The following ABCB10 variants were observed in gnomAD, a reference collection of about 807,000 sequenced individuals.
ABCB10 encodes ATP-binding cassette sub-family B member 10, mitochondrial.
A neutral mutation model predicts 65.4 loss-of-function variants in ABCB10; 54 were observed. The observed-to-expected ratio is 0.83, with a 90% CI of 0.66 to 1.04. The LOEUF (loss-of-function observed/expected upper bound fraction) is 1.04, where lower values mean the gene tolerates loss of function less well. Among genes scored for constraint, ABCB10 ranks in the 50% least tolerant of loss-of-function variants. The pLI, the probability that ABCB10 is intolerant of heterozygous loss-of-function variation, is 0.00. For missense variants in ABCB10, 846 were observed against 976.6 expected, an observed-to-expected ratio of 0.87 and a Z score of 1.78; for synonymous variants, 418 against 406.5, an observed-to-expected ratio of 1.03 and a Z score of -0.34.
At chr1:229,531,946 A>AC in intron 6 of ABCB10, 1 of 219,738 alleles carries the variant, frequency 4.6e-6, no homozygotes, top group Non-Finnish European at 8.4e-6. Flanking sequence ...CCAGTTTCAT[A>AC]GTTTTTTTTT....
intron 5 of ABCB10, among the ~76,000 whole-genome samples, chr1:229,539,895 CA>C (rs1662804099): frequency 6.6e-6 from 1 of 152,140 alleles, no homozygotes; most frequent in African/African-American, 2.4e-5. Flanking sequence ...CTAGAGGAAA[CA>C]AATAAATATC....
intron 8 of ABCB10, among the ~76,000 whole-genome samples, chr1:229,529,441 C>T (rs565437853): frequency 5.6e-5 from 8 of 142,504 alleles, no homozygotes; most frequent in East Asian, 2.2e-4. Flanking sequence ...GAGGCCAAGG[C>T]GGGTGGATCA....
intron 3 of ABCB10, among the ~76,000 whole-genome samples, chr1:229,543,688 C>A (rs1266788080): frequency 6.6e-6 from 1 of 152,168 alleles, no homozygotes; most frequent in Non-Finnish European, 1.5e-5. Flanking sequence ...GAAAGTATCA[C>A]TGCAGATGTA....
At position 229,525,960 on chromosome 1, in the gene ABCB10, C is replaced by T; in HGVS notation, c.1882G>A (p.Gly628Arg). 6.2e-7 allele frequency: 1 copy of T among 1,613,774 alleles called. No homozygotes were observed. Among genetic ancestry groups the T allele is most frequent in the Non-Finnish European group, 8.5e-7 (1 of 1,179,888 alleles). The change falls in exon 10 of 13, where the codon GGA becomes AGA. Residue 628 changes from glycine (G) to arginine (R), a missense_variant. By Grantham distance (125) the Gly-to-Arg change is moderately radical. This residue lies in a region of ABCB10 where 632 missense variants were observed against 803.2 expected (regional missense o/e 0.79). Coordinates refer to ENST00000344517, the MANE Select transcript of ABCB10 (RefSeq NM_012089.3). ...NFPQGFNTVV[G>R]EKGVLLSGGQ... ...CCTGAGAGGAGAACACCCTTTTCTC[C>T]AACCACAGTGTTGAACCCTTGGGGG...
chr1:229,540,529 A>G, intron 5 of ABCB10, 77 bp downstream of exon 5: 1 of 1,377,946 alleles, frequency 7.3e-7, no homozygotes, highest in Non-Finnish European at 9.7e-7. Flanking sequence ...TTTTCTACTT[A>G]TGCTGAGCAC....
Position 229,540,758 on chromosome 1 carries a change from A to T in ABCB10, c.1057-6T>A, listed in dbSNP as rs769811581. The T allele has an allele frequency of 6.2e-6, 10 of 1,610,846 alleles. No homozygotes were observed. The highest frequency in any genetic ancestry group is 8.5e-6 in the Non-Finnish European group (10 of 1,179,180). ...CCAATACGTTCCTCAGCTAGCTGGG[A>T]GAATAATAAATACATTTCAGGAGGA... On this transcript the variant is annotated splice_polypyrimidine_tract_variant and splice_region_variant and intron_variant, in intron 4 of 12. Coordinates refer to ENST00000344517, the MANE Select transcript of ABCB10 (RefSeq NM_012089.3).
In ABCB10 at chr1:229,556,989, A is replaced by G. The variant is rs906181648; in HGVS notation, c.517+1147T>C. On this transcript the variant is annotated intron_variant, in intron 1 of 12. Transcript: ENST00000344517. The stretch of plus-strand genomic sequence containing the variant: ...TTAAAAAGAGGAAAGAGAAAAAGAT[A>G]TTTTACAACAAAATCTACACTCAAC... Among the ~76,000 whole-genome samples the G allele has an allele frequency of 1.1e-4, 17 of 151,702 alleles. 1 individual carries two copies. The highest frequency in any genetic ancestry group is 3.3e-4 in the Admixed American group (5 of 15,228).
intron 1 of ABCB10, among the ~76,000 whole-genome samples, chr1:229,557,339 G>A (rs1663275376): frequency 6.6e-6 from 1 of 152,176 alleles, no homozygotes; most frequent in African/African-American, 2.4e-5. Flanking sequence ...CAGCAGAAGT[G>A]AGGACCATGT....
rs1281775919 is a variant in ABCB10 at position 229,539,499 on chromosome 1, A to G, written c.1296T>C (p.Ser432=). The G allele has an allele frequency of 6.2e-7, 1 of 1,614,004 alleles. No homozygotes were observed. Among genetic ancestry groups the G allele is most frequent in the East Asian group, 2.2e-5 (1 of 44,886 alleles). Residue 432 remains serine, a synonymous_variant, in exon 6 of 13, where the codon TCT becomes TCC. Coordinates refer to ENST00000344517, the MANE Select transcript of ABCB10 (RefSeq NM_012089.3). ...CCCAGAAAGCATACATTAGGAAGGA[A>G]GAGAGTTCACCCACGGTCATGTGGG... ...GSAHMTVGEL[S]SFLMYAFWVG...
chr1:229,535,327 A>T (rs903480369), intron 6 of ABCB10: 3 of 152,206 alleles, frequency 2.0e-5, no homozygotes, highest in Non-Finnish European at 2.9e-5. Flanking sequence ...ACTTAGAAGC[A>T]GCCAAGTGCC....
chr1:229,518,449 A>G (rs1351026662), intron 12 of ABCB10, 39 bp from the exon 13 acceptor site: 5 of 1,552,522 alleles, frequency 3.2e-6, no homozygotes, highest in Non-Finnish European at 4.4e-6. Flanking sequence ...CAAAGACGTC[A>G]GTGACACCCA....
intron 1 of ABCB10, among the ~76,000 whole-genome samples, chr1:229,552,153 G>T (rs544886030): frequency 6.6e-6 from 1 of 152,236 alleles, no homozygotes; most frequent in Admixed American, 6.5e-5. Flanking sequence ...TTATCAGCTT[G>T]TTTTATTGTC....
rs1275265640 is a variant in ABCB10, at chr1:229,558,637, C to G, written c.16G>C (p.Ala6Pro). 4.3e-6 allele frequency: 6 copies of G among 1,379,450 alleles called. No homozygotes were observed. Among genetic ancestry groups the G allele is most frequent in the Non-Finnish European group, 9.4e-7 (1 of 1,067,318 alleles). 85.5% of individuals were successfully genotyped at this position (1,379,450 alleles called of 1,614,324 possible). Residue 6 changes from alanine (A) to proline (P), a missense_variant, in exon 1 of 13, where the codon GCC (alanine) becomes CCC (proline). By Grantham distance (27) the Ala-to-Pro change is conservative (BLOSUM62 -1). Transcript: ENST00000344517. MRGPPAWPLRLLEPPS... is the reference protein window; with the variant it reads MRGPPPWPLRLLEPPS... ...GGCTCGAGCAGCCGCAGCGGCCAGG[C>G]AGGGGGGCCTCGCATGGCGCTGCGT...
At chr1:229,553,123 C>G (rs1019368487) in intron 1 of ABCB10, among the ~76,000 whole-genome samples, 10 of 146,500 alleles carry the variant, frequency 6.8e-5, no homozygotes, top group African/African-American at 2.2e-4. Context: ...GCCAGATTTG[C>G]TTTTTTTTTT....
At chr1:229,555,707 C>CT (rs1430442210) in intron 1 of ABCB10, among the ~76,000 whole-genome samples, 1 of 152,166 alleles carries the variant, frequency 6.6e-6, no homozygotes, top group Non-Finnish European at 1.5e-5. Flanking sequence ...TTCAGCTCAG[C>CT]TTTTTTAGTG....
intron 2 of ABCB10, among the ~76,000 whole-genome samples, 165 bp downstream of exon 2, chr1:229,549,069 C>A (rs1204821303): frequency 6.6e-6 from 1 of 152,202 alleles, no homozygotes; most frequent in East Asian, 1.9e-4. Flanking sequence ...TAATCTGTAA[C>A]TCCAACATCT....
Position 229,558,122 on chromosome 1 carries a change from G to A in ABCB10, c.517+14C>T. On this transcript the variant is annotated intron_variant, in intron 1 of 12. Coordinates refer to ENST00000344517, the MANE Select transcript of ABCB10 (RefSeq NM_012089.3). ...AGAGGCCCGGCGGAGGGAAGTGGCC[G>A]GGGAGGACCCTACCTGCCAGCCTCC... 2 of 1,370,232 alleles carry A rather than the reference G, an allele frequency of 1.5e-6. No individual in the cohort carries two copies. Among genetic ancestry groups the A allele is most frequent in the South Asian group, 1.6e-5 (1 of 62,902 alleles). The allele number at this position is 1,370,232 out of a possible 1,614,324, so 84.9% of individuals were successfully genotyped here. A position where few individuals can be genotyped will look rare whatever the true frequency, so the allele number is the denominator to read the frequency against.
At chr1:229,556,557 A>C (rs1663251499) in intron 1 of ABCB10, among the ~76,000 whole-genome samples, 1 of 152,178 alleles carries the variant, frequency 6.6e-6, no homozygotes, top group Non-Finnish European at 1.5e-5. Context: ...GTCTTGTTTA[A>C]GGCTGTCACC....
chr1:229,534,303 A>G (rs1010797121), intron 6 of ABCB10, among the ~76,000 whole-genome samples: 3 of 152,068 alleles, frequency 2.0e-5, no homozygotes, highest in African/African-American at 7.2e-5. Context: ...AGCAACAAGA[A>G]CTCTCATTCC....
Sources: allele counts gnomAD v4.1 joint callset (sites outside exome capture counted in the v4.1 genomes callset), GRCh38; gene constraint gnomAD v4.1.1; regional missense constraint gnomAD v4.1.1; transcripts MANE v1.5; gene names NCBI Gene and HGNC (gene_info 2026-07-23, HGNC 2026-07-21).